MAPKAPK3: variants seen among roughly 807,000 people sequenced by gnomAD.
The protein encoded by MAPKAPK3 is MAP kinase-activated protein kinase 3.
Under a neutral mutation model 49.2 loss-of-function variants are expected in MAPKAPK3, and 35 were observed. That is an observed-to-expected ratio of 0.71 (90% CI 0.54 to 0.94). MAPKAPK3 has a LOEUF of 0.94. MAPKAPK3 is among the 40% of genes least tolerant of loss of function. The pLI is 0.00. For synonymous variants in MAPKAPK3, 178 were observed against 188.7 expected (o/e 0.94, Z 0.46); for missense variants, 398 against 493.1 (o/e 0.81, Z 1.83).
In MAPKAPK3 at chr3:50,648,123, GC is replaced by G; in HGVS notation, c.*80del. 7.0e-7 allele frequency: 1 copy of G among 1,419,262 alleles called. No homozygotes were observed. The highest frequency in any genetic ancestry group is 9.6e-7 in the Non-Finnish European group (1 of 1,045,636). 87.9% of individuals were successfully genotyped at this position (1,419,262 alleles called of 1,614,324 possible). A position where few individuals can be genotyped will look rare whatever the true frequency, so the allele number is the denominator to read the frequency against. On this transcript the variant is annotated 3_prime_UTR_variant, in exon 11 of 11. Coordinates refer to ENST00000621469, the MANE Select transcript of MAPKAPK3 (RefSeq NM_001243925.2). The stretch of plus-strand genomic sequence containing the variant: ...ATGTGCTCAGGCCCTGGCCAGGAGG[GC>G]CCAGGGTCATTCTTTTAACAAAAGG...
intron 2 of MAPKAPK3, among the ~76,000 whole-genome samples, chr3:50,620,284 A>G (rs2032578886): frequency 6.6e-6 from 1 of 152,120 alleles, no homozygotes; most frequent in Non-Finnish European, 1.5e-5. Flanking sequence ...TAGCCAGCTC[A>G]TGATGGATCA....
chr3:50,638,827 A>G (rs1476638155), intron 2 of MAPKAPK3, among the ~76,000 whole-genome samples: 4 of 152,226 alleles, frequency 2.6e-5, no homozygotes, highest in South Asian at 2.1e-4. Context: ...AGAGGAGGAA[A>G]TTAAGGCTGG....
chr3:50,617,496 T>G lies in MAPKAPK3; in HGVS notation c.-52-18T>G. 1.3e-6 allele frequency: 1 copy of G among 767,180 alleles called. No homozygotes were observed. The highest frequency in any genetic ancestry group is 3.9e-4 in the Middle Eastern group (1 of 2,594). The allele number at this position is 767,180 out of a possible 1,614,324, so 47.5% of individuals were successfully genotyped here. On this transcript the variant is annotated intron_variant, in intron 1 of 10. Coordinates refer to ENST00000621469, the MANE Select transcript of MAPKAPK3 (RefSeq NM_001243925.2). ...TTGGAAAAGTCTGGGCGGGACTCAC[T>G]CTTCCCCTTTCCCCCAGGTGCCACT... is the stretch of plus-strand genomic sequence containing the variant.
At chr3:50,629,229 T>C (rs1243966591) in intron 2 of MAPKAPK3, among the ~76,000 whole-genome samples, 2 of 152,154 alleles carry the variant, frequency 1.3e-5, no homozygotes, top group Non-Finnish European at 2.9e-5. Flanking sequence ...CCTCTGAGGA[T>C]ATGAGACCAT....
Position 50,645,694 on chromosome 3 carries a change from C to A in MAPKAPK3, c.629-16C>A, listed in dbSNP as rs777693012. Reference sequence around the variant, plus strand: ...CCCTTGGGTCTGAGAGCCCTGCTGTCCCTCTGCCCTGGCAGCCCCTGAGGT... The same window carrying A: ...CCCTTGGGTCTGAGAGCCCTGCTGTACCTCTGCCCTGGCAGCCCCTGAGGT... On this transcript the variant is annotated splice_polypyrimidine_tract_variant and intron_variant, in intron 6 of 10. Transcript: ENST00000621469. 12 of 1,611,648 alleles carry A rather than the reference C, an allele frequency of 7.4e-6. No homozygotes were observed. Among genetic ancestry groups the A allele is most frequent in the Non-Finnish European group, 1.0e-5 (12 of 1,177,756 alleles).
At chr3:50,617,816 C>T in intron 2 of MAPKAPK3, 32 bp downstream of exon 2, 2 of 1,551,222 alleles carry the variant, frequency 1.3e-6, no homozygotes, top group Middle Eastern at 1.9e-4. Context: ...CCTGGGGTAT[C>T]CTGGAGGGTC....
intron 2 of MAPKAPK3, among the ~76,000 whole-genome samples, chr3:50,630,364 G>T (rs546701327): frequency 6.6e-6 from 1 of 152,210 alleles, no homozygotes; most frequent in South Asian, 2.1e-4. Flanking sequence ...GTTGGGAGGG[G>T]ATCTGTACAT....
At chr3:50,645,865 C>G (rs1190574907) in intron 7 of MAPKAPK3, 80 bp downstream of exon 7, 15 of 1,284,424 alleles carry the variant, frequency 1.2e-5, no homozygotes, top group Admixed American at 8.6e-5. Flanking sequence ...TCTGTCCCCC[C>G]ACCCCCATGT....
At chr3:50,640,845 C>T (rs1017276268) in intron 3 of MAPKAPK3, among the ~76,000 whole-genome samples, 2 of 152,216 alleles carry the variant, frequency 1.3e-5, no homozygotes, top group African/African-American at 4.8e-5. Context: ...ACAGGACCCA[C>T]GCAGTTCCCT....
rs201487546 is a variant in MAPKAPK3 at position 50,617,640 on chromosome 3, C to T, written c.75C>T (p.Gly25=). ...PPVAPGGPGL[G]GAPGGRREPK... is the part of the protein sequence containing the mutation. ...TTGCACCCGGCGGACCCGGCTTGGG[C>T]GGTGCTCCGGGGGGGCGGCGGGAGC... is the stretch of plus-strand genomic sequence containing the variant. Residue 25 remains glycine (G), a synonymous_variant, in exon 2 of 11, where the codon GGC becomes GGT. Transcript: ENST00000621469. 102 of 1,608,242 alleles carry T rather than the reference C, an allele frequency of 6.3e-5. 1 individual carries two copies. In the Admixed American group the frequency reaches 1.7e-3, roughly 26 times the overall value.
Position 50,646,805 on chromosome 3 carries a change from A to G in MAPKAPK3, c.895A>G (p.Met299Val). ...AGAGAGGCTGACCATCACTCAGTTC[A>G]TGAACCACCCCTGGATCAACGTGAG... ...PTERLTITQF[M>V]NHPWINQSMV... The change falls in exon 9 of 11, where the codon ATG becomes GTG. Residue 299 changes from methionine to valine, a missense_variant. Met to Val is a conservative substitution (Grantham distance 21, BLOSUM62 1). Around this residue, in one of 5 missense-constraint regions of MAPKAPK3, gnomAD observed 152 missense variants for 177.3 expected, o/e 0.86. Coordinates refer to ENST00000621469, the MANE Select transcript of MAPKAPK3 (RefSeq NM_001243925.2). 6.2e-7 allele frequency: 1 copy of G among 1,614,006 alleles called. No homozygotes were observed.
intron 8 of MAPKAPK3, 41 bp from the exon 9 acceptor site, chr3:50,646,699 C>T (rs368253848): frequency 6.4e-7 from 1 of 1,570,616 alleles, no homozygotes; most frequent in East Asian, 2.2e-5. Context: ...GGGGCTGGCT[C>T]TGCAATCTCA....
Position 50,646,125 on chromosome 3 carries a change from T to A in MAPKAPK3, c.705-15T>A, listed in dbSNP as rs1463539450. On this transcript the variant is annotated splice_polypyrimidine_tract_variant and intron_variant, in intron 7 of 10. Transcript: ENST00000621469. The stretch of plus-strand genomic sequence containing the variant: ...TGCTCCCACCCTATGCCAAATGACT[T>A]ACCCCTTCCCCCAGCCTTTGTGGCT... The A allele has an allele frequency of 6.2e-7, 1 of 1,611,738 alleles. No individual in the cohort carries two copies. Among genetic ancestry groups the A allele is most frequent in the East Asian group, 2.2e-5 (1 of 44,842 alleles).
In MAPKAPK3 at chr3:50,648,326, C is replaced by T; in HGVS notation, c.*280C>T. On this transcript the variant is annotated 3_prime_UTR_variant, in exon 11 of 11. Coordinates refer to ENST00000621469, the MANE Select transcript of MAPKAPK3 (RefSeq NM_001243925.2). ...AGCTAGGTTGGCCCGAGTGAGGCCT[C>T]TGTGCTGTCCTGCCCTGGTGCATGG... 1 of 372,744 alleles carries T rather than the reference C, an allele frequency of 2.7e-6. No homozygotes were observed. Among genetic ancestry groups the T allele is most frequent in the Non-Finnish European group, 4.9e-6 (1 of 203,992 alleles). The allele number at this position is 372,744 out of a possible 1,614,324, so 23.1% of individuals were successfully genotyped here.
intron 2 of MAPKAPK3, among the ~76,000 whole-genome samples, chr3:50,621,545 C>A (rs1037497504): frequency 2.7e-5 from 4 of 150,530 alleles, no homozygotes; most frequent in South Asian, 2.1e-4. Context: ...TTGCAGTGAG[C>A]CGAGATCACG....
At chr3:50,630,950 G>A (rs997014991) in intron 2 of MAPKAPK3, among the ~76,000 whole-genome samples, 4 of 152,218 alleles carry the variant, frequency 2.6e-5, no homozygotes, top group South Asian at 2.1e-4. Flanking sequence ...TGTAGGGAGC[G>A]CTAATCCCAC....
chr3:50,628,710 T>C (rs1214162655), intron 2 of MAPKAPK3, among the ~76,000 whole-genome samples: 1 of 152,072 alleles, frequency 6.6e-6, no homozygotes, highest in Non-Finnish European at 1.5e-5. Flanking sequence ...CAGAGGGAGT[T>C]GTGATCCTGC....
chr3:50,638,715 A>G (rs2033101599), intron 2 of MAPKAPK3, among the ~76,000 whole-genome samples: 1 of 152,170 alleles, frequency 6.6e-6, no homozygotes, highest in Non-Finnish European at 1.5e-5. Context: ...TCTCTGGGAC[A>G]CTGCCCTGAC....
At chr3:50,626,961 C>T (rs1311697082) in intron 2 of MAPKAPK3, among the ~76,000 whole-genome samples, 1 of 151,952 alleles carries the variant, frequency 6.6e-6, no homozygotes, top group Non-Finnish European at 1.5e-5. Flanking sequence ...GGGAGGCTGA[C>T]GCGGGTGGAT....
Sources: gnomAD v4.1 joint callset for allele counts (sites outside exome capture counted in the v4.1 genomes callset) on GRCh38, gnomAD v4.1.1 for gene constraint, gnomAD v4.1.1 regional missense constraint, MANE v1.5 for transcripts, NCBI Gene and HGNC (gene_info 2026-07-23, HGNC 2026-07-21) for gene names.